HIVEP2: variants seen among roughly 807,000 people sequenced by gnomAD.
HIVEP2 encodes HIVEP zinc finger 2, also known as transcription factor HIVEP2.
In HIVEP2, 14 loss-of-function variants were observed where a neutral mutation model predicts 180.7. The ratio of observed to expected loss-of-function variants is 0.08; its 90% CI spans 0.05 to 0.12. The LOEUF (loss-of-function observed/expected upper bound fraction) is 0.12, where lower values mean the gene tolerates loss of function less well. Ranked by LOEUF, HIVEP2 falls within the 10% of genes least tolerant of loss-of-function variation. The probability of loss-of-function intolerance (pLI) is 1.00; values close to 1 mark genes in which losing one functional copy is unlikely to be tolerated. For synonymous variants in HIVEP2, 1,184 were observed against 1,136.4 expected, an observed-to-expected ratio of 1.04 and a Z score of -0.84; for missense variants, 2,579 against 3,008.5, an observed-to-expected ratio of 0.86 and a Z score of 3.34.
intron 1 of HIVEP2, among the ~76,000 whole-genome samples, chr6:142,848,722 CA>C (rs199930851): frequency 4.3e-4 from 63 of 146,604 alleles, no homozygotes; most frequent in South Asian, 4.3e-4. Flanking sequence ...AACACTGTCT[CA>C]AAAAAAAAAA....
chr6:142,826,112 T>C (rs1774893636), intron 2 of HIVEP2, among the ~76,000 whole-genome samples: 1 of 152,222 alleles, frequency 6.6e-6, no homozygotes, highest in African/African-American at 2.4e-5. Context: ...AAATATCATA[T>C]ATCTGATTTA....
intron 1 of HIVEP2, among the ~76,000 whole-genome samples, chr6:142,868,042 T>C (rs964409310): frequency 6.6e-6 from 1 of 152,182 alleles, no homozygotes; most frequent in African/African-American, 2.4e-5. Context: ...AGGAAAATTA[T>C]GCATATAATC....
chr6:142,847,282 G>T (rs889849271), intron 1 of HIVEP2, among the ~76,000 whole-genome samples: 1 of 152,142 alleles, frequency 6.6e-6, no homozygotes, highest in African/African-American at 2.4e-5. Flanking sequence ...CCAAATCATC[G>T]TTCTGGCTCT....
chr6:142,862,996 A>G lies in HIVEP2; in HGVS notation c.-640-25949T>C, dbSNP rs1191058247. On this transcript the variant is annotated intron_variant, in intron 1 of 9. Coordinates refer to ENST00000367603, the MANE Select transcript of HIVEP2 (RefSeq NM_006734.4). ...ATATGTAATATATAATATGATATAT[A>G]ATTACATATATTATATATTACATAC... Among the ~76,000 whole-genome samples, 4 of 141,798 alleles carry G rather than the reference A, an allele frequency of 2.8e-5. No individual in the cohort carries two copies. The East Asian group carries it at 8.0e-4, about 29-fold the overall frequency. 93.0% of individuals were successfully genotyped at this position (141,798 alleles called of 152,430 possible).
intron 2 of HIVEP2, among the ~76,000 whole-genome samples, chr6:142,827,608 G>T (rs1774947151): frequency 6.6e-6 from 1 of 152,212 alleles, no homozygotes; most frequent in African/African-American, 2.4e-5. Flanking sequence ...AGAGCCCGAG[G>T]ACTTCCCTGA....
chr6:142,831,818 C>T (rs1472910801), intron 2 of HIVEP2, among the ~76,000 whole-genome samples: 1 of 152,132 alleles, frequency 6.6e-6, no homozygotes, highest in Admixed American at 6.5e-5. Flanking sequence ...AGGTATCAGA[C>T]TTGCAGATTC....
At chr6:142,814,891 T>A (rs1465138571) in intron 2 of HIVEP2, among the ~76,000 whole-genome samples, 1 of 152,098 alleles carries the variant, frequency 6.6e-6, no homozygotes, top group Non-Finnish European at 1.5e-5. Context: ...CTTAGTTCAT[T>A]TTGTTCTACT....
chr6:142,907,358 T>C (rs1777290501), intron 1 of HIVEP2, among the ~76,000 whole-genome samples: 1 of 151,332 alleles, frequency 6.6e-6, no homozygotes, highest in South Asian at 2.1e-4. Context: ...TGTCGCCTTC[T>C]AGCACTACCA....
chr6:142,822,680 C>T (rs985536966), intron 2 of HIVEP2, among the ~76,000 whole-genome samples: 7 of 152,148 alleles, frequency 4.6e-5, no homozygotes, highest in African/African-American at 1.4e-4. Context: ...CTTTATAATT[C>T]CATTATCTCA....
At chr6:142,800,177 T>G (rs951268441) in intron 2 of HIVEP2, among the ~76,000 whole-genome samples, 1 of 152,166 alleles carries the variant, frequency 6.6e-6, no homozygotes, top group Non-Finnish European at 1.5e-5. Flanking sequence ...CACAAATATC[T>G]GAGGAATTAA....
At chr6:142,816,363 A>AT (rs1268843778) in intron 2 of HIVEP2, among the ~76,000 whole-genome samples, 3 of 151,938 alleles carry the variant, frequency 2.0e-5, no homozygotes, top group Admixed American at 6.6e-5. Context: ...TCCAGAATAT[A>AT]TTTTTTCCTT....
intron 1 of HIVEP2, among the ~76,000 whole-genome samples, chr6:142,921,693 G>A (rs192281845): frequency 3.3e-5 from 5 of 152,306 alleles, no homozygotes; most frequent in East Asian, 1.9e-4. Context: ...TACAATCTAA[G>A]TCAGGCCATG....
chr6:142,918,930 T>G (rs1278689914), intron 1 of HIVEP2, among the ~76,000 whole-genome samples: 1 of 152,238 alleles, frequency 6.6e-6, no homozygotes, highest in Non-Finnish European at 1.5e-5. Flanking sequence ...ACATTCATGT[T>G]TCTTTATAAT....
intron 1 of HIVEP2, among the ~76,000 whole-genome samples, chr6:142,934,325 G>A (rs554140535): frequency 6.6e-6 from 1 of 152,288 alleles, no homozygotes; most frequent in South Asian, 2.1e-4. Flanking sequence ...AAATATAACA[G>A]AGGTACAGCC....
intron 1 of HIVEP2, among the ~76,000 whole-genome samples, chr6:142,840,491 T>G (rs1233374322): frequency 6.6e-6 from 1 of 152,150 alleles, no homozygotes; most frequent in African/African-American, 2.4e-5. Flanking sequence ...TTTAAAAATT[T>G]TAATCTATTA....
At chr6:142,791,141 A>T (rs59274053) in intron 2 of HIVEP2, among the ~76,000 whole-genome samples, 3,676 of 152,244 alleles carry the variant, frequency 0.024, 127 homozygotes, top group East Asian at 0.15. Context: ...AACCTCAGGA[A>T]ACCAAAGAAC....
At chr6:142,893,083 C>T (rs1408380170) in intron 1 of HIVEP2, among the ~76,000 whole-genome samples, 1 of 152,188 alleles carries the variant, frequency 6.6e-6, no homozygotes, top group Non-Finnish European at 1.5e-5. Context: ...TCCTTTCATT[C>T]TCTATCCCAC....
In HIVEP2 at chr6:142,892,441, G is replaced by A. The variant is rs576376851; in HGVS notation, c.-641+52658C>T. On this transcript the variant is annotated intron_variant, in intron 1 of 9. Transcript: ENST00000367603. Reference sequence around the variant, plus strand: ...AAATAAGCAACCTGACCCCCCAAGAGTCTTTGGAGCCTGGCAGTAACCTGA... The same window carrying A: ...AAATAAGCAACCTGACCCCCCAAGAATCTTTGGAGCCTGGCAGTAACCTGA... Among the ~76,000 whole-genome samples the A allele has an allele frequency of 3.3e-5, 5 of 152,258 alleles. No homozygotes were observed. The South Asian group carries it at 8.3e-4, about 25-fold the overall frequency.
At chr6:142,938,246 C>T (rs977660833) in intron 1 of HIVEP2, among the ~76,000 whole-genome samples, 4 of 152,152 alleles carry the variant, frequency 2.6e-5, no homozygotes, top group African/African-American at 7.2e-5. Flanking sequence ...TTCGCTTTTG[C>T]TTCACATTAC....
Sources: gnomAD v4.1 joint callset for allele counts (sites outside exome capture counted in the v4.1 genomes callset) on GRCh38, gnomAD v4.1.1 for gene constraint, MANE v1.5 for transcripts, NCBI Gene and HGNC (gene_info 2026-07-23, HGNC 2026-07-21) for gene names.